The following CSMD3 variants were observed in gnomAD, a reference collection of about 807,000 sequenced individuals.
CSMD3 encodes CUB and sushi domain-containing protein 3.
Under a neutral mutation model 435.2 loss-of-function variants are expected in CSMD3, and 177 were observed. The ratio of observed to expected loss-of-function variants is 0.41; its 90% CI spans 0.36 to 0.46. The LOEUF (loss-of-function observed/expected upper bound fraction) is 0.46. CSMD3 is among the 20% of genes least tolerant of loss of function. The probability of loss-of-function intolerance (pLI) is 0.34; values close to 1 mark genes in which losing one functional copy is unlikely to be tolerated. For synonymous variants in CSMD3, 1,656 were observed against 1,520.5 expected (o/e 1.09, Z -2.07); for missense variants, 4,265 against 4,504.6 (o/e 0.95, Z 1.52).
intron 27 of CSMD3, among the ~76,000 whole-genome samples, chr8:112,524,492 T>C (rs1452832450): frequency 1.3e-5 from 2 of 152,092 alleles, no homozygotes; most frequent in Non-Finnish European, 2.9e-5. Context: ...AAGTACCAGG[T>C]ACCGTGCCAA....
chr8:112,608,670 T>C (rs779943542), intron 22 of CSMD3, among the ~76,000 whole-genome samples: 1 of 152,010 alleles, frequency 6.6e-6, no homozygotes, highest in Non-Finnish European at 1.5e-5. Context: ...TATATATTTA[T>C]AATAGAAAAC....
intron 59 of CSMD3, among the ~76,000 whole-genome samples, chr8:112,278,518 G>T (rs1310340118): frequency 1.3e-5 from 2 of 152,164 alleles, no homozygotes; most frequent in African/African-American, 2.4e-5. Flanking sequence ...TGCAAGCCAT[G>T]AATGATGCTA....
intron 3 of CSMD3, among the ~76,000 whole-genome samples, chr8:113,268,544 T>C (rs1350895859): frequency 6.6e-6 from 1 of 151,856 alleles, no homozygotes; most frequent in African/African-American, 2.4e-5. Flanking sequence ...AATTTAATAG[T>C]TCACAGATTC....
chr8:112,652,622 AG>A (rs2075155684), intron 18 of CSMD3, among the ~76,000 whole-genome samples: 1 of 152,176 alleles, frequency 6.6e-6, no homozygotes, highest in Non-Finnish European at 1.5e-5. Context: ...GCATTGATCT[AG>A]GAGTCACAAA....
At chr8:112,327,706 C>A (rs1262248251) in intron 45 of CSMD3, among the ~76,000 whole-genome samples, 1 of 152,142 alleles carries the variant, frequency 6.6e-6, no homozygotes, top group Non-Finnish European at 1.5e-5. Context: ...CAACTACTAA[C>A]AACTACATGA....
At chr8:113,224,323 C>T (rs752227617) in intron 3 of CSMD3, among the ~76,000 whole-genome samples, 2 of 151,052 alleles carry the variant, frequency 1.3e-5, no homozygotes, top group Admixed American at 6.6e-5. Context: ...CTTCAATAAA[C>T]CCCATTCATC....
intron 1 of CSMD3, among the ~76,000 whole-genome samples, chr8:113,370,183 T>C (rs1280347397): frequency 6.6e-6 from 1 of 151,166 alleles, no homozygotes; most frequent in Non-Finnish European, 1.5e-5. Context: ...TATAATTTCA[T>C]ATATTAATTA....
At chr8:112,245,730 G>A (rs184063165) in intron 64 of CSMD3, among the ~76,000 whole-genome samples, 1 of 152,212 alleles carries the variant, frequency 6.6e-6, no homozygotes, top group Admixed American at 6.5e-5. Context: ...ATAGAGATGG[G>A]TTTCGCCATG....
intron 32 of CSMD3, among the ~76,000 whole-genome samples, chr8:112,410,616 G>GTGTA (rs1554670637): frequency 5.9e-5 from 4 of 67,590 alleles, no homozygotes; most frequent in Admixed American, 3.7e-4. Flanking sequence ...ATATATATAT[G>GTGTA]TATATATATG....
intron 22 of CSMD3, among the ~76,000 whole-genome samples, chr8:112,591,898 G>A (rs543408816): frequency 1.3e-5 from 2 of 151,848 alleles, no homozygotes; most frequent in East Asian, 1.9e-4. Context: ...ATTTCATTAA[G>A]TTAGGACACC....
intron 54 of CSMD3, among the ~76,000 whole-genome samples, chr8:112,295,260 T>C (rs1051981592): frequency 6.6e-6 from 1 of 152,104 alleles, no homozygotes; most frequent in African/African-American, 2.4e-5. Flanking sequence ...TATAAGGGAA[T>C]TACGGCCCAG....
chr8:113,129,182 T>A (rs747543634), intron 4 of CSMD3, among the ~76,000 whole-genome samples: 1 of 152,184 alleles, frequency 6.6e-6, no homozygotes, highest in Non-Finnish European at 1.5e-5. Flanking sequence ...CCTTTTCATA[T>A]TGTGAGCATA....
chr8:113,309,845 A>G (rs1227251239), intron 2 of CSMD3: 3 of 152,202 alleles, frequency 2.0e-5, no homozygotes, highest in African/African-American at 7.2e-5. Flanking sequence ...TGAAAATGAA[A>G]GCTGTTTTTC....
intron 1 of CSMD3, among the ~76,000 whole-genome samples, chr8:113,391,416 A>ATGAGAT (rs1442244474): frequency 6.6e-6 from 1 of 152,030 alleles, no homozygotes; most frequent in African/African-American, 2.4e-5. Flanking sequence ...TAGTTTGTAT[A>ATGAGAT]TGAGATTTTG....
intron 6 of CSMD3, among the ~76,000 whole-genome samples, chr8:112,987,112 A>G (rs2085283690): frequency 6.6e-6 from 1 of 152,078 alleles, no homozygotes; most frequent in Admixed American, 6.6e-5. Flanking sequence ...TCATATGCAT[A>G]TTATTTGGTT....
chr8:112,753,220 G>A (rs2077615251), intron 13 of CSMD3, among the ~76,000 whole-genome samples: 1 of 152,020 alleles, frequency 6.6e-6, no homozygotes. Context: ...TTATGGTGGT[G>A]TTATAAAAAA....
chr8:112,679,085 G>GT (rs1195093248), intron 16 of CSMD3, among the ~76,000 whole-genome samples: 27,026 of 114,956 alleles, frequency 0.24, 2,652 homozygotes, highest in Middle Eastern at 0.31. Context: ...GATGGGGCAG[G>GT]TTTTTTTTTT....
intron 38 of CSMD3, among the ~76,000 whole-genome samples, chr8:112,357,498 G>A (rs1826734366): frequency 6.6e-6 from 1 of 152,060 alleles, no homozygotes. Flanking sequence ...AAGCAATGAG[G>A]AGTCGAATGT....
At chr8:112,836,893 G>A (rs1053737229) in intron 11 of CSMD3, among the ~76,000 whole-genome samples, 1 of 151,732 alleles carries the variant, frequency 6.6e-6, no homozygotes, top group African/African-American at 2.4e-5. Context: ...ATGTTTATTT[G>A]GCTACTGGTG....
Sources: gnomAD v4.1 joint callset for allele counts (sites outside exome capture counted in the v4.1 genomes callset) on GRCh38, gnomAD v4.1.1 for gene constraint, MANE v1.5 for transcripts, NCBI Gene and HGNC (gene_info 2026-07-23, HGNC 2026-07-21) for gene names.